Variants in DOCK5 observed in about 807,000 individuals in gnomAD.
DOCK5 encodes the protein dedicator of cytokinesis 5, also known as dedicator of cytokinesis protein 5.
In DOCK5, 142 loss-of-function variants were observed where a neutral mutation model predicts 251.8. The ratio of observed to expected loss-of-function variants is 0.56; its 90% CI spans 0.49 to 0.65. DOCK5 has a LOEUF of 0.65. DOCK5 is among the 30% of genes least tolerant of loss of function. The probability of loss-of-function intolerance (pLI) is 0.00; values close to 1 mark genes in which losing one functional copy is unlikely to be tolerated. For missense variants in DOCK5, 2,111 were observed against 2,312.3 expected (o/e 0.91, Z 1.79); for synonymous variants, 842 against 835.5 (o/e 1.01, Z -0.13).
chr8:25,248,861 G>A (rs912296724), intron 2 of DOCK5, among the ~76,000 whole-genome samples: 9 of 151,886 alleles, frequency 5.9e-5, no homozygotes, highest in Non-Finnish European at 1.2e-4. Flanking sequence ...GGGGTCAGGG[G>A]TCACCTCCAC....
At chr8:25,306,906 A>G (rs954316228) in intron 11 of DOCK5, among the ~76,000 whole-genome samples, 3 of 152,076 alleles carry the variant, frequency 2.0e-5, no homozygotes, top group Non-Finnish European at 4.4e-5. Context: ...GAATATATAG[A>G]CTACTACACA....
intron 13 of DOCK5, among the ~76,000 whole-genome samples, chr8:25,316,792 G>A (rs1805263455): frequency 6.6e-6 from 1 of 152,146 alleles, no homozygotes; most frequent in Admixed American, 6.5e-5. Context: ...TTAATTTTCT[G>A]TAAAACTACA....
chr8:25,400,000 G>A lies in DOCK5; in HGVS notation c.4788+6G>A. 6.2e-7 allele frequency: 1 copy of A among 1,612,684 alleles called. No individual in the cohort carries two copies. ...AGCGACTAATAGCATTACAGGTACA[G>A]GACGGCTTTCCTCTACACTCCCAGG... On this transcript the variant is annotated splice_donor_region_variant and intron_variant, in intron 46 of 51. Coordinates refer to ENST00000276440, the MANE Select transcript of DOCK5 (RefSeq NM_024940.8).
rs894494205 is a variant in DOCK5, at chr8:25,402,667, C to T, written c.4927-891C>T. On this transcript the variant is annotated intron_variant, in intron 47 of 51. Transcript: ENST00000276440. ...CTATGTTGCCCAGGCTGGCCTCCAACTCCTGGACTCAAGCAATCCTCCTGC... is the reference window on the plus strand; with the variant it reads ...CTATGTTGCCCAGGCTGGCCTCCAATTCCTGGACTCAAGCAATCCTCCTGC... 4.6e-5 allele frequency among the ~76,000 whole-genome samples: 7 copies of T among 152,038 alleles called. No individual in the cohort carries two copies. The South Asian group carries it at 1.5e-3, about 32-fold the overall frequency.
At chr8:25,210,034 A>ATAT (rs1802086883) in intron 1 of DOCK5, among the ~76,000 whole-genome samples, 1 of 13,340 alleles carries the variant, frequency 7.5e-5, no homozygotes, top group Non-Finnish European at 2.2e-4. Context: ...ATATATATAT[A>ATAT]AATGTGTGTG....
chr8:25,372,687 A>G lies in DOCK5; in HGVS notation c.3653A>G (p.Glu1218Gly), dbSNP rs1363056775. 1 of 1,611,738 alleles carries G rather than the reference A, an allele frequency of 6.2e-7. No individual in the cohort carries two copies. The highest frequency in any genetic ancestry group is 1.7e-5 in the Admixed American group (1 of 59,610). ...RTIIMQDESK[E>G]NRMSCTVNVL... ...ATCATCATGCAAGATGAGAGCAAGG[A>G]GAACCGTATGAGCTGCACTGTGAAC... Residue 1218 changes from glutamate (E) to glycine (G), a missense_variant, in exon 35 of 52, where the codon GAG becomes GGG. Glu to Gly is a moderately conservative substitution (Grantham distance 98, BLOSUM62 -2). Around this residue, in one of 3 missense-constraint regions of DOCK5, gnomAD observed 1,717 missense variants for 1,892.4 expected, o/e 0.91. Coordinates refer to ENST00000276440, the MANE Select transcript of DOCK5 (RefSeq NM_024940.8).
At chr8:25,254,957 A>T (rs1563326384) in intron 2 of DOCK5, among the ~76,000 whole-genome samples, 1 of 152,100 alleles carries the variant, frequency 6.6e-6, no homozygotes, top group Non-Finnish European at 1.5e-5. Context: ...GTGAAAAGAT[A>T]TTCAGCATCA....
At chr8:25,355,375 C>G (rs1243122225) in intron 27 of DOCK5, among the ~76,000 whole-genome samples, 3 of 152,072 alleles carry the variant, frequency 2.0e-5, no homozygotes, top group Non-Finnish European at 4.4e-5. Flanking sequence ...GCTGAAATGA[C>G]CAGCATATCT....
intron 40 of DOCK5, among the ~76,000 whole-genome samples, chr8:25,386,893 G>C (rs1204277937): frequency 6.6e-6 from 1 of 152,178 alleles, no homozygotes; most frequent in Non-Finnish European, 1.5e-5. Context: ...CCGTAATTTA[G>C]AAAAATAATG....
chr8:25,361,728 G>A (rs544567803), intron 28 of DOCK5, among the ~76,000 whole-genome samples: 1 of 152,276 alleles, frequency 6.6e-6, no homozygotes, highest in South Asian at 2.1e-4. Context: ...CATAAAACCA[G>A]GGGAGAATCC....
chr8:25,203,057 C>G (rs1334165878), intron 1 of DOCK5, among the ~76,000 whole-genome samples: 1 of 152,142 alleles, frequency 6.6e-6, no homozygotes, highest in African/African-American at 2.4e-5. Flanking sequence ...GATAAGAGTG[C>G]TACCAAATAC....
chr8:25,393,685 A>G (rs1020196578), intron 44 of DOCK5, among the ~76,000 whole-genome samples: 2 of 152,102 alleles, frequency 1.3e-5, no homozygotes, highest in Non-Finnish European at 2.9e-5. Context: ...CAGCTTCTCA[A>G]TGAATCCATC....
At chr8:25,213,740 C>T (rs896059518) in intron 1 of DOCK5, among the ~76,000 whole-genome samples, 8 of 152,170 alleles carry the variant, frequency 5.3e-5, no homozygotes, top group Non-Finnish European at 1.2e-4. Flanking sequence ...ACATCACAAA[C>T]GCATTTGTTC....
chr8:25,346,895 A>G (rs190183861), intron 26 of DOCK5, among the ~76,000 whole-genome samples: 58 of 152,048 alleles, frequency 3.8e-4, no homozygotes, highest in African/African-American at 1.3e-3. Context: ...AGTGCAGCCC[A>G]CAGGCCTAGC....
chr8:25,270,875 C>T, intron 3 of DOCK5: 1 of 692,808 alleles, frequency 1.4e-6, no homozygotes, highest in Non-Finnish European at 2.7e-6. Context: ...TGCATATAAC[C>T]TCTGCATTTC....
At chr8:25,368,784 A>G in intron 33 of DOCK5, 59 bp downstream of exon 33, 1 of 1,505,064 alleles carries the variant, frequency 6.6e-7, no homozygotes. Flanking sequence ...ATCATAACTC[A>G]TTTCTTTCTA....
chr8:25,368,439 G>T, intron 32 of DOCK5, 132 bp from the exon 33 acceptor site: 1 of 1,167,418 alleles, frequency 8.6e-7, no homozygotes, highest in South Asian at 1.6e-5. Context: ...CATGCTATCA[G>T]AATCTGAGTC....
rs1426689687 is a variant in DOCK5 at position 25,388,702 on chromosome 8, T to C, written c.4132-389T>C. 5 of 188,744 alleles carry C rather than the reference T, an allele frequency of 2.6e-5. No homozygotes were observed. In the South Asian group the frequency reaches 4.6e-4, roughly 17 times the overall value. The allele number at this position is 188,744 out of a possible 1,614,324, so 11.7% of individuals were successfully genotyped here. A position where few individuals can be genotyped will look rare whatever the true frequency, so the allele number is the denominator to read the frequency against. ...TTAGGAGTTTATACCTCAATGTAAATTAATGCACTTCCTTCCTTCCTTAAG... is the reference window on the plus strand; with the variant it reads ...TTAGGAGTTTATACCTCAATGTAAACTAATGCACTTCCTTCCTTCCTTAAG... On this transcript the variant is annotated intron_variant, in intron 40 of 51. Transcript: ENST00000276440.
chr8:25,409,921 C>A (rs910341535), intron 50 of DOCK5, 178 bp from the exon 51 acceptor site: 4 of 556,210 alleles, frequency 7.2e-6, no homozygotes, highest in African/African-American at 5.7e-5. Context: ...CTGGCGAGGG[C>A]GTCACCTGTG....
Sources: allele counts gnomAD v4.1 joint callset (sites outside exome capture counted in the v4.1 genomes callset), GRCh38; gene constraint gnomAD v4.1.1; regional missense constraint gnomAD v4.1.1; transcripts MANE v1.5; gene names NCBI Gene and HGNC (gene_info 2026-07-23, HGNC 2026-07-21).